Variants in HSD17B12 observed in about 807,000 individuals in gnomAD.
HSD17B12 encodes very-long-chain 3-oxoacyl-CoA reductase.
In HSD17B12, 32 loss-of-function variants were observed where a neutral mutation model predicts 39.3. That is an observed-to-expected ratio of 0.81 (90% confidence interval 0.61 to 1.09). HSD17B12 has a LOEUF of 1.09. HSD17B12 is among the 50% of genes least tolerant of loss of function. HSD17B12 has a pLI of 0.00. For synonymous variants in HSD17B12, 150 were observed against 146.7 expected, an observed-to-expected ratio of 1.02 and a Z score of -0.16; for missense variants, 342 against 382.9, an observed-to-expected ratio of 0.89 and a Z score of 0.89.
At chr11:43,708,280 A>C (rs1950033476) in intron 1 of HSD17B12, among the ~76,000 whole-genome samples, 1 of 152,154 alleles carries the variant, frequency 6.6e-6, no homozygotes, top group Non-Finnish European at 1.5e-5. Context: ...TTTTATTCTA[A>C]TGCAATTTTT....
At chr11:43,680,576 G>A (rs1489816236), upstream of HSD17B12, 1 of 508,742 alleles carries the variant, frequency 2.0e-6, no homozygotes, top group South Asian at 2.2e-5. Context: ...AACCCCGGGG[G>A]ACGCGGTGAT....
intron 3 of HSD17B12, among the ~76,000 whole-genome samples, chr11:43,762,204 TTAAG>T (rs1565078730): frequency 6.6e-6 from 1 of 152,182 alleles, no homozygotes; most frequent in Non-Finnish European, 1.5e-5. Flanking sequence ...TCTCAAAATA[TTAAG>T]TTTTTTCTGG....
At chr11:43,593,004 T>C in the HSD17B12 span, among the ~76,000 whole-genome samples, 14 of 152,276 alleles carry the variant, frequency 9.2e-5, no homozygotes, top group African/African-American at 3.1e-4. Flanking sequence ...CAGAGAGACA[T>C]AGGGAGCTTA....
In HSD17B12 at chr11:43,680,789, CT is replaced by C; in HGVS notation, c.-35del. The C allele has an allele frequency of 6.4e-7, 1 of 1,572,632 alleles. No individual in the cohort carries two copies. Among genetic ancestry groups the C allele is most frequent in the Non-Finnish European group, 8.8e-7 (1 of 1,142,366 alleles). On this transcript the variant is annotated 5_prime_UTR_variant, in exon 1 of 11. Coordinates refer to ENST00000278353, the MANE Select transcript of HSD17B12 (RefSeq NM_016142.3). The stretch of plus-strand genomic sequence containing the variant: ...CTCCTCCTGGATTCATTCACTCGCT[CT>C]TTTCATTCACGAAGGTAGTGAGGCC...
At chr11:43,818,315 C>G (rs1951149473) in intron 6 of HSD17B12, among the ~76,000 whole-genome samples, 2 of 152,044 alleles carry the variant, frequency 1.3e-5, no homozygotes, top group African/African-American at 4.8e-5. Context: ...TTGCTAGTTG[C>G]TAAGCATGTG....
chr11:43,712,052 AC>A (rs751349549), intron 1 of HSD17B12, among the ~76,000 whole-genome samples: 1 of 152,194 alleles, frequency 6.6e-6, no homozygotes, highest in Non-Finnish European at 1.5e-5. Context: ...ATTAACATCA[AC>A]ACAGACCTTA....
chr11:43,601,011 AT>A, the HSD17B12 span, among the ~76,000 whole-genome samples: 1 of 149,982 alleles, frequency 6.7e-6, no homozygotes, highest in Non-Finnish European at 1.5e-5. Flanking sequence ...ATATACATAT[AT>A]TTTTTTCAAT....
chr11:43,744,356 T>TAA (rs372925723), intron 1 of HSD17B12, among the ~76,000 whole-genome samples: 97 of 145,216 alleles, frequency 6.7e-4, no homozygotes, highest in Middle Eastern at 3.5e-3. Flanking sequence ...GCCCCAATGA[T>TAA]AAAAAAAAAA....
At chr11:43,766,885 A>G (rs1056328537) in intron 3 of HSD17B12, among the ~76,000 whole-genome samples, 1 of 152,204 alleles carries the variant, frequency 6.6e-6, no homozygotes, top group South Asian at 2.1e-4. Flanking sequence ...GCTTATTTCA[A>G]CTTCATTACT....
At chr11:43,816,148 C>T (rs955554985) in intron 5 of HSD17B12, among the ~76,000 whole-genome samples, 199 bp from the exon 6 acceptor site, 1 of 152,106 alleles carries the variant, frequency 6.6e-6, no homozygotes, top group Admixed American at 6.6e-5. Flanking sequence ...ATGTTAGCAT[C>T]AATTATCACC....
chr11:43,782,617 G>T (rs550310405), intron 3 of HSD17B12, among the ~76,000 whole-genome samples: 1 of 151,024 alleles, frequency 6.6e-6, no homozygotes, highest in Non-Finnish European at 1.5e-5. Context: ...AAAGGTTGCA[G>T]TGAGCCAAGA....
chr11:43,709,039 A>T (rs2134830026), intron 1 of HSD17B12, among the ~76,000 whole-genome samples: 1 of 152,338 alleles, frequency 6.6e-6, no homozygotes, highest in South Asian at 2.1e-4. Flanking sequence ...AGAGGAGAGG[A>T]TGTAACACAG....
chr11:43,843,380 C>T (rs1341205167), intron 9 of HSD17B12, among the ~76,000 whole-genome samples: 3 of 152,218 alleles, frequency 2.0e-5, no homozygotes, highest in Admixed American at 6.5e-5. Context: ...GATTCTGCCT[C>T]GTACTCCAGC....
the HSD17B12 span, among the ~76,000 whole-genome samples, chr11:43,651,814 A>G: frequency 6.6e-6 from 1 of 152,174 alleles, no homozygotes; most frequent in African/African-American, 2.4e-5. Context: ...CCTGACCTCA[A>G]GTGACCTGCC....
At chr11:43,774,905 G>T (rs185959392) in intron 3 of HSD17B12, among the ~76,000 whole-genome samples, 31 of 152,216 alleles carry the variant, frequency 2.0e-4, no homozygotes, top group African/African-American at 7.5e-4. Flanking sequence ...ACATTATATG[G>T]CAAAGGCAAT....
the HSD17B12 span, among the ~76,000 whole-genome samples, chr11:43,644,019 G>A: frequency 6.6e-6 from 1 of 152,296 alleles, no homozygotes; most frequent in East Asian, 1.9e-4. Context: ...GTGTGATAAG[G>A]GAAGGCGGCT....
At chr11:43,806,063 C>T (rs1280225496) in intron 4 of HSD17B12, among the ~76,000 whole-genome samples, 1 of 152,198 alleles carries the variant, frequency 6.6e-6, no homozygotes, top group Non-Finnish European at 1.5e-5. Flanking sequence ...TAAGCCCTGT[C>T]CTGGTGGAGT....
chr11:43,706,725 G>GTGTGTGTGTT (rs1325962959), intron 1 of HSD17B12, among the ~76,000 whole-genome samples: 1 of 76,252 alleles, frequency 1.3e-5, no homozygotes, highest in African/African-American at 5.2e-5. Context: ...TGTGTGTTGT[G>GTGTGTGTGTT]GGGGGTGGGT....
At chr11:43,838,068 C>T in intron 7 of HSD17B12, 1 of 468,370 alleles carries the variant, frequency 2.1e-6, no homozygotes, top group Non-Finnish European at 3.8e-6. Flanking sequence ...GAGATCTGAT[C>T]TGGTTATGCC....
Sources: allele counts gnomAD v4.1 joint callset (sites outside exome capture counted in the v4.1 genomes callset), GRCh38; gene constraint gnomAD v4.1.1; transcripts MANE v1.5; gene names NCBI Gene and HGNC (gene_info 2026-07-23, HGNC 2026-07-21).